ATXN7: variants seen among roughly 807,000 people sequenced by gnomAD.
ATXN7 encodes the protein ataxin-7.
Under a neutral mutation model 70.5 loss-of-function variants are expected in ATXN7, and 12 were observed. The ratio of observed to expected loss-of-function variants is 0.17; its 90% CI spans 0.11 to 0.28. The LOEUF is 0.28. ATXN7 is among the 10% of genes least tolerant of loss of function. ATXN7 has a pLI of 1.00. For missense variants in ATXN7, 1,256 were observed against 1,131.7 expected (o/e 1.11, Z -1.58); for synonymous variants, 498 against 448.7 (o/e 1.11, Z -1.39).
chr3:63,993,787 C>T (rs1372969582), intron 11 of ATXN7, among the ~76,000 whole-genome samples: 3 of 152,180 alleles, frequency 2.0e-5, no homozygotes, highest in Admixed American at 2.0e-4. Flanking sequence ...GCCCTGGCTT[C>T]CTGAGCCACC....
chr3:63,999,614 GTT>G lies in ATXN7; in HGVS notation c.*150_*151del. The G allele has an allele frequency of 7.1e-7, 1 of 1,417,980 alleles. No homozygotes were observed. The highest frequency in any genetic ancestry group is 9.8e-7 in the Non-Finnish European group (1 of 1,024,926). 87.8% of individuals were successfully genotyped at this position (1,417,980 alleles called of 1,614,324 possible). A position where few individuals can be genotyped will look rare whatever the true frequency, so the allele number is the denominator to read the frequency against. ...AAGGGTAGAAACCTGCCGGGCTGTT[GTT>G]TTAACGAGGATTTCCCTGAAGCTAT... On this transcript the variant is annotated 3_prime_UTR_variant, in exon 13 of 13. Transcript: ENST00000674280.
chr3:63,971,919 GT>G (rs1242173918), intron 5 of ATXN7, among the ~76,000 whole-genome samples: 1 of 151,988 alleles, frequency 6.6e-6, no homozygotes, highest in Non-Finnish European at 1.5e-5. Flanking sequence ...AAAGTGCTGA[GT>G]TTTTTTTGTT....
chr3:63,941,071 A>G (rs990925242), intron 4 of ATXN7, among the ~76,000 whole-genome samples: 3 of 152,176 alleles, frequency 2.0e-5, no homozygotes, highest in African/African-American at 7.2e-5. Flanking sequence ...TGCCTACTCT[A>G]TTCTATCCCC....
At chr3:63,965,167 A>G (rs977609287) in intron 5 of ATXN7, among the ~76,000 whole-genome samples, 3 of 152,144 alleles carry the variant, frequency 2.0e-5, no homozygotes, top group African/African-American at 7.2e-5. Flanking sequence ...TAACTCCTCT[A>G]TCATCCATCC....
chr3:63,917,182 A>C (rs1704308572), intron 4 of ATXN7, among the ~76,000 whole-genome samples: 1 of 152,072 alleles, frequency 6.6e-6, no homozygotes, highest in Admixed American at 6.5e-5. Flanking sequence ...GGCCTCCCAA[A>C]GTGTTGGGAT....
upstream of ATXN7, chr3:63,863,829 C>A (rs1702310685): frequency 2.4e-6 from 3 of 1,227,300 alleles, no homozygotes; most frequent in South Asian, 7.9e-5. Context: ...GCGGCGCAAG[C>A]TGAGGCGGCG....
intron 4 of ATXN7, among the ~76,000 whole-genome samples, chr3:63,950,136 AC>A (rs140207143): frequency 0.023 from 3,451 of 152,264 alleles, 137 homozygotes; most frequent in African/African-American, 0.08. Context: ...TTTTAGTTTT[AC>A]TAGTCCTAAG....
At chr3:63,918,312 A>G (rs1704368863) in intron 4 of ATXN7, among the ~76,000 whole-genome samples, 1 of 152,210 alleles carries the variant, frequency 6.6e-6, no homozygotes, top group Admixed American at 6.5e-5. Context: ...AATTAATGGA[A>G]AACAGGTGTT....
At chr3:63,876,376 T>C (rs773708238) in intron 1 of ATXN7, among the ~76,000 whole-genome samples, 4 of 152,120 alleles carry the variant, frequency 2.6e-5, no homozygotes, top group Non-Finnish European at 5.9e-5. Context: ...ATTATTATTG[T>C]GGTAGTTATA....
intron 1 of ATXN7, among the ~76,000 whole-genome samples, chr3:63,872,161 C>T (rs1002250404): frequency 1.4e-4 from 21 of 152,112 alleles, no homozygotes; most frequent in Non-Finnish European, 3.1e-4. Flanking sequence ...CATAGTGACT[C>T]TTTGTGGACT....
intron 5 of ATXN7, among the ~76,000 whole-genome samples, chr3:63,964,919 C>T (rs987206221): frequency 2.6e-5 from 4 of 152,178 alleles, no homozygotes; most frequent in Admixed American, 6.5e-5. Flanking sequence ...ACTCACCCGG[C>T]CTGCTGAGAC....
intron 5 of ATXN7, among the ~76,000 whole-genome samples, chr3:63,961,363 G>A (rs2075127786): frequency 6.6e-6 from 1 of 152,042 alleles, no homozygotes; most frequent in African/African-American, 2.4e-5. Flanking sequence ...TGGACACTTA[G>A]ATCTTCAGTG....
rs368307233 is a variant in ATXN7 at position 63,920,572 on chromosome 3, A to G, written c.394+7347A>G. Among the ~76,000 whole-genome samples, 3 of 152,132 alleles carry G rather than the reference A, an allele frequency of 2.0e-5. No homozygotes were observed. The South Asian group carries it at 6.2e-4, about 31-fold the overall frequency. On this transcript the variant is annotated intron_variant, in intron 4 of 12. Transcript: ENST00000674280. ...TTCTTATCCTTGTCTAGAAATACTG[A>G]CCTTTACCAAAAGCCATTTTTTTTA...
At chr3:63,950,241 G>T (rs1268005533) in intron 4 of ATXN7, among the ~76,000 whole-genome samples, 1 of 152,164 alleles carries the variant, frequency 6.6e-6, no homozygotes, top group Non-Finnish European at 1.5e-5. Flanking sequence ...TATTTGAAAG[G>T]ATCAGTTTAG....
chr3:63,998,912 C>G (rs2075802598), intron 12 of ATXN7: 1 of 165,348 alleles, frequency 6.0e-6, no homozygotes. Flanking sequence ...TGCTGGGAAG[C>G]CTAGGAGATG....
chr3:63,887,478 A>G (rs1575849373), intron 1 of ATXN7, among the ~76,000 whole-genome samples: 1 of 152,264 alleles, frequency 6.6e-6, no homozygotes, highest in Non-Finnish European at 1.5e-5. Context: ...ACGTATAAAC[A>G]TAAGCACAGT....
intron 4 of ATXN7, among the ~76,000 whole-genome samples, chr3:63,921,909 G>T (rs771499382): frequency 6.6e-6 from 1 of 152,226 alleles, no homozygotes; most frequent in Non-Finnish European, 1.5e-5. Flanking sequence ...AGCCAGGACT[G>T]TCAGAGGAGC....
At chr3:63,863,524 C>A, upstream of ATXN7, 1 of 1,192,190 alleles carries the variant, frequency 8.4e-7, no homozygotes, top group Non-Finnish European at 1.0e-6. Context: ...CGCGCTGCCT[C>A]CGGGAGAGCG....
At chr3:63,926,244 T>C in intron 4 of ATXN7, among the ~76,000 whole-genome samples, 1 of 152,172 alleles carries the variant, frequency 6.6e-6, no homozygotes, top group East Asian at 1.9e-4. Context: ...CCTCTAAAGG[T>C]TTATTTTAGT....
Sources: allele counts gnomAD v4.1 joint callset (sites outside exome capture counted in the v4.1 genomes callset), GRCh38; gene constraint gnomAD v4.1.1; transcripts MANE v1.5; gene names NCBI Gene and HGNC (gene_info 2026-07-23, HGNC 2026-07-21).